KCND3: variants seen among roughly 807,000 people sequenced by gnomAD.
KCND3 encodes A-type voltage-gated potassium channel KCND3.
In KCND3, 9 loss-of-function variants were observed where a neutral mutation model predicts 51.1. The ratio of observed to expected loss-of-function variants is 0.18; its 90% CI spans 0.11 to 0.31. KCND3 has a LOEUF of 0.31. KCND3 is among the 10% of genes least tolerant of loss of function. The pLI is 1.00. For missense variants in KCND3, 526 were observed against 903.8 expected (o/e 0.58, Z 5.36); for synonymous variants, 349 against 368.0 (o/e 0.95, Z 0.59).
Position 111,928,068 on chromosome 1 carries a change from G to A in KCND3, c.1106+53553C>T, listed in dbSNP as rs1224220491. Reference sequence around the variant, plus strand: ...GCCCTGCTCTAGTTTTCTCCATAGCGCACTTACCACCACTGACTTTTTAAT... The same window carrying A: ...GCCCTGCTCTAGTTTTCTCCATAGCACACTTACCACCACTGACTTTTTAAT... On this transcript the variant is annotated intron_variant, in intron 2 of 7. Transcript: ENST00000302127. 4.6e-5 allele frequency among the ~76,000 whole-genome samples: 7 copies of A among 151,120 alleles called. No individual in the cohort carries two copies. The East Asian group carries it at 1.2e-3, about 25-fold the overall frequency.
At position 111,780,557 on chromosome 1, in the gene KCND3, G is replaced by T; in HGVS notation, c.1371+133C>A. On this transcript the variant is annotated intron_variant, in intron 4 of 7. Transcript: ENST00000302127. The surrounding 1 kb of genome is among the most constrained non-coding windows in gnomAD (Gnocchi z 4.2). The stretch of plus-strand genomic sequence containing the variant: ...GTGTGTGAATGGGGGGCTGCTACCT[G>T]GGGAAAGTTTGGAAACGTGTCCTCC... 1 of 873,104 alleles carries T rather than the reference G, an allele frequency of 1.1e-6. No homozygotes were observed. Among genetic ancestry groups the T allele is most frequent in the Non-Finnish European group, 1.9e-6 (1 of 535,790 alleles). 54.1% of individuals were successfully genotyped at this position (873,104 alleles called of 1,614,324 possible).
chr1:111,810,197 G>A (rs184033408), intron 2 of KCND3, among the ~76,000 whole-genome samples: 2 of 152,270 alleles, frequency 1.3e-5, no homozygotes, highest in Admixed American at 1.3e-4. Flanking sequence ...GAGCGACTGT[G>A]GCTCTTCTCA....
intron 2 of KCND3, among the ~76,000 whole-genome samples, chr1:111,878,942 A>T (rs555978600): frequency 4.5e-4 from 69 of 152,210 alleles, no homozygotes; most frequent in Non-Finnish European, 9.4e-4. Flanking sequence ...GGCAGGCCTC[A>T]TCCATTCTGT....
At chr1:111,916,082 C>T (rs546899995) in intron 2 of KCND3, among the ~76,000 whole-genome samples, 144 of 152,270 alleles carry the variant, frequency 9.5e-4, no homozygotes, top group Middle Eastern at 6.8e-3. Flanking sequence ...CTCGATCTAA[C>T]TGACATTACT....
intron 2 of KCND3, among the ~76,000 whole-genome samples, chr1:111,919,341 G>A (rs1249522973): frequency 6.6e-6 from 1 of 151,896 alleles, no homozygotes; most frequent in Non-Finnish European, 1.5e-5. Context: ...AGCTGAGGTG[G>A]GTGGCAACTC....
intron 2 of KCND3, among the ~76,000 whole-genome samples, chr1:111,868,707 A>G (rs898165875): frequency 6.6e-6 from 1 of 152,188 alleles, no homozygotes; most frequent in African/African-American, 2.4e-5. Context: ...TTTCTATTTT[A>G]TAATTGAAGA....
At chr1:111,869,212 G>A (rs903518101) in intron 2 of KCND3, among the ~76,000 whole-genome samples, 6 of 151,934 alleles carry the variant, frequency 3.9e-5, no homozygotes, top group Admixed American at 1.3e-4. Context: ...TTGCTTTATC[G>A]ATTTCAGACT....
intron 2 of KCND3, among the ~76,000 whole-genome samples, chr1:111,904,115 T>C (rs1039082258): frequency 6.7e-6 from 1 of 150,330 alleles, no homozygotes; most frequent in Non-Finnish European, 1.5e-5. Flanking sequence ...TTTTTGTCCA[T>C]TAACCTCAAT....
intron 2 of KCND3, among the ~76,000 whole-genome samples, chr1:111,947,377 G>A (rs1047744616): frequency 1.3e-5 from 2 of 152,136 alleles, no homozygotes; most frequent in Non-Finnish European, 2.9e-5. Flanking sequence ...ACATAAATGG[G>A]GCAATACATA....
chr1:111,874,029 GT>G (rs1457265410), intron 2 of KCND3, among the ~76,000 whole-genome samples: 1 of 152,094 alleles, frequency 6.6e-6, no homozygotes, highest in Non-Finnish European at 1.5e-5. Context: ...ATCCTGTGAG[GT>G]TTTACCCATT....
intron 3 of KCND3, among the ~76,000 whole-genome samples, chr1:111,785,051 AAAT>A (rs979993314): frequency 1.3e-5 from 2 of 152,032 alleles, no homozygotes; most frequent in African/African-American, 4.8e-5. Context: ...CCCATCTCTA[AAAT>A]AATAATAATA....
chr1:111,790,793 C>T (rs1221803377), intron 2 of KCND3, among the ~76,000 whole-genome samples: 1 of 152,176 alleles, frequency 6.6e-6, no homozygotes, highest in Non-Finnish European at 1.5e-5. Flanking sequence ...TAGATGTCCC[C>T]GTTTTGGACA....
intron 1 of KCND3, among the ~76,000 whole-genome samples, chr1:111,986,582 G>A (rs974138936): frequency 2.0e-5 from 3 of 152,160 alleles, no homozygotes; most frequent in African/African-American, 7.2e-5. Flanking sequence ...CACCCTCTGG[G>A]CCTCAGAGTC....
chr1:111,808,677 G>A (rs1466151875), intron 2 of KCND3, among the ~76,000 whole-genome samples: 1 of 152,202 alleles, frequency 6.6e-6, no homozygotes, highest in Non-Finnish European at 1.5e-5. Flanking sequence ...TGTTATTAGA[G>A]CTTCTCATCT....
At chr1:111,829,139 G>C (rs1666714251) in intron 2 of KCND3, among the ~76,000 whole-genome samples, 1 of 152,234 alleles carries the variant, frequency 6.6e-6, no homozygotes, top group South Asian at 2.1e-4. Context: ...GTTAAACAGA[G>C]TCATGGTCAC....
At chr1:111,866,350 G>A (rs1668572908) in intron 2 of KCND3, among the ~76,000 whole-genome samples, 1 of 143,558 alleles carries the variant, frequency 7.0e-6, no homozygotes, top group Admixed American at 7.2e-5. Context: ...CTCCAACCTC[G>A]ACCTCCCAGG....
intron 2 of KCND3, among the ~76,000 whole-genome samples, chr1:111,942,710 A>C (rs973652323): frequency 2.6e-5 from 4 of 152,244 alleles, no homozygotes; most frequent in Admixed American, 2.0e-4. Flanking sequence ...AGGGGAACCC[A>C]AACCAAGACA....
At chr1:111,918,901 A>G (rs1228351613) in intron 2 of KCND3, among the ~76,000 whole-genome samples, 3 of 152,014 alleles carry the variant, frequency 2.0e-5, no homozygotes, top group Admixed American at 1.3e-4. Flanking sequence ...TGATTTTTAC[A>G]TCTTAAATGA....
intron 2 of KCND3, among the ~76,000 whole-genome samples, chr1:111,964,195 G>A (rs1673834017): frequency 6.6e-6 from 1 of 152,190 alleles, no homozygotes; most frequent in South Asian, 2.1e-4. Context: ...ACAATACTGG[G>A]CTCTGGGACT....
Sources: allele counts gnomAD v4.1 joint callset (sites outside exome capture counted in the v4.1 genomes callset), GRCh38; gene constraint gnomAD v4.1.1; non-coding constraint Gnocchi (gnomAD v3.1); transcripts MANE v1.5; gene names NCBI Gene and HGNC (gene_info 2026-07-23, HGNC 2026-07-21).